The following PIK3C2G variants were observed in gnomAD, a reference collection of about 807,000 sequenced individuals.
The protein encoded by PIK3C2G is phosphatidylinositol 3-kinase C2 domain-containing subunit gamma.
A neutral mutation model predicts 181.1 loss-of-function variants in PIK3C2G; 168 were observed. The observed-to-expected ratio is 0.93, with a 90% CI of 0.82 to 1.05. The LOEUF (loss-of-function observed/expected upper bound fraction) is 1.05. Among genes scored for constraint, PIK3C2G ranks in the 50% least tolerant of loss-of-function variants. The pLI is 0.00. For missense variants in PIK3C2G, 1,869 were observed against 1,732.8 expected, an observed-to-expected ratio of 1.08 and a Z score of -1.40; for synonymous variants, 573 against 592.2, an observed-to-expected ratio of 0.97 and a Z score of 0.47.
chr12:18,671,391 G>A, the PIK3C2G span, among the ~76,000 whole-genome samples: 1 of 151,996 alleles, frequency 6.6e-6, no homozygotes, highest in Admixed American at 6.6e-5. Flanking sequence ...GTAGGAGAAA[G>A]AACACGAGAG....
chr12:18,375,410 C>G (rs1188114712), intron 13 of PIK3C2G, among the ~76,000 whole-genome samples: 1 of 152,192 alleles, frequency 6.6e-6, no homozygotes, highest in Non-Finnish European at 1.5e-5. Flanking sequence ...AGAGAAATTT[C>G]TAAGCAGCAA....
At chr12:18,679,531 T>C in the PIK3C2G span, among the ~76,000 whole-genome samples, 1 of 152,044 alleles carries the variant, frequency 6.6e-6, no homozygotes, top group East Asian at 1.9e-4. Context: ...ACCCTGGTTC[T>C]GTCATTTACT....
rs116619544 is a variant in PIK3C2G at position 18,431,846 on chromosome 12, C to T, written c.2504+7807C>T. Reference sequence around the variant, plus strand: ...TATTGATCTGCTGTAATCATCTTTCCACTTTGTTGTCCTCAGAAATGTATA... The same window carrying T: ...TATTGATCTGCTGTAATCATCTTTCTACTTTGTTGTCCTCAGAAATGTATA... On this transcript the variant is annotated intron_variant, in intron 18 of 32. Transcript: ENST00000538779. 7.6e-3 allele frequency among the ~76,000 whole-genome samples: 1,160 copies of T among 152,158 alleles called. 16 individuals carry two copies. Among genetic ancestry groups the T allele is most frequent in the African/African-American group, 0.027 (1,104 of 41,492 alleles).
chr12:18,343,923 G>A (rs1939396182), intron 10 of PIK3C2G, among the ~76,000 whole-genome samples: 1 of 149,932 alleles, frequency 6.7e-6, no homozygotes, highest in South Asian at 2.1e-4. Flanking sequence ...GAGATTGCAT[G>A]GGACGGAGCA....
At chr12:18,345,356 T>TC (rs1377193850) in intron 10 of PIK3C2G, among the ~76,000 whole-genome samples, 5 of 151,954 alleles carry the variant, frequency 3.3e-5, no homozygotes, top group Middle Eastern at 3.4e-3. Flanking sequence ...CCTCTGCTTG[T>TC]CCCCCCCAGA....
chr12:18,580,060 G>A (rs1357167530), intron 29 of PIK3C2G, among the ~76,000 whole-genome samples: 1 of 151,682 alleles, frequency 6.6e-6, no homozygotes, highest in East Asian at 1.9e-4. Flanking sequence ...TTGAACCCAC[G>A]AGGTGGAGGT....
At chr12:18,413,201 G>A (rs571813081) in intron 16 of PIK3C2G, among the ~76,000 whole-genome samples, 15 of 151,944 alleles carry the variant, frequency 9.9e-5, no homozygotes, top group Admixed American at 2.0e-4. Flanking sequence ...ATTTATCTTA[G>A]CGATGAGATC....
intron 31 of PIK3C2G, among the ~76,000 whole-genome samples, chr12:18,638,220 A>G (rs4764410): frequency 0.27 from 40,805 of 152,084 alleles, 6,098 homozygotes; most frequent in Admixed American, 0.41. Flanking sequence ...GTAGAGGTAA[A>G]GGGGTTCTCA....
chr12:18,537,777 A>T (rs928966286), intron 24 of PIK3C2G, among the ~76,000 whole-genome samples: 1 of 152,038 alleles, frequency 6.6e-6, no homozygotes, highest in Non-Finnish European at 1.5e-5. Context: ...GGTCAAACAC[A>T]TCTGTTCGAT....
intron 18 of PIK3C2G, among the ~76,000 whole-genome samples, chr12:18,458,004 A>G (rs1480157302): frequency 3.3e-5 from 5 of 152,178 alleles, no homozygotes; most frequent in African/African-American, 7.2e-5. Context: ...ACTAATTAAC[A>G]TTAATTTATT....
intron 8 of PIK3C2G, among the ~76,000 whole-genome samples, chr12:18,333,111 G>T (rs1360693611): frequency 1.3e-5 from 2 of 152,110 alleles, no homozygotes; most frequent in East Asian, 3.9e-4. Flanking sequence ...CTCTGCCAAA[G>T]TTTGAACATT....
intron 24 of PIK3C2G, among the ~76,000 whole-genome samples, chr12:18,516,378 T>C (rs1942549181): frequency 1.3e-5 from 2 of 151,952 alleles, no homozygotes; most frequent in African/African-American, 4.8e-5. Context: ...AAAAATACGT[T>C]TCTCTTCTCT....
chr12:18,531,193 T>C (rs1230436566), intron 24 of PIK3C2G, among the ~76,000 whole-genome samples: 2 of 152,276 alleles, frequency 1.3e-5, no homozygotes, highest in East Asian at 3.9e-4. Flanking sequence ...GCTTTTCTCA[T>C]CTCACTCTAC....
intron 7 of PIK3C2G, 51 bp from the exon 8 acceptor site, chr12:18,324,984 A>G (rs920682228): frequency 6.7e-6 from 6 of 892,000 alleles, no homozygotes; most frequent in African/African-American, 5.0e-5. Context: ...TAAAGGTAAT[A>G]TAAGTTTTCC....
the PIK3C2G span, chr12:18,719,769 ATATT>A: frequency 1.4e-5 from 7 of 511,228 alleles, no homozygotes; most frequent in Non-Finnish European, 6.4e-6. Context: ...TATTAATACT[ATATT>A]TATGTTGTTT....
At chr12:18,448,145 T>C (rs994764993) in intron 18 of PIK3C2G, among the ~76,000 whole-genome samples, 3 of 152,194 alleles carry the variant, frequency 2.0e-5, no homozygotes, top group Admixed American at 6.5e-5. Context: ...AAGTGCTTTT[T>C]TGATTAAAAC....
chr12:18,410,402 G>A (rs1345305484), intron 16 of PIK3C2G, among the ~76,000 whole-genome samples: 2 of 151,896 alleles, frequency 1.3e-5, no homozygotes, highest in African/African-American at 4.8e-5. Context: ...CTACTCAAGA[G>A]GCTGAGGCAG....
chr12:18,611,606 A>T (rs913655655), intron 31 of PIK3C2G, among the ~76,000 whole-genome samples: 1 of 152,108 alleles, frequency 6.6e-6, no homozygotes, highest in Non-Finnish European at 1.5e-5. Context: ...CTCAGACTCA[A>T]TATGCACCAA....
At chr12:18,609,412 A>AC (rs1948220433) in intron 30 of PIK3C2G, 123 bp from the exon 31 acceptor site, 2 of 612,382 alleles carry the variant, frequency 3.3e-6, no homozygotes, top group Non-Finnish European at 5.8e-6. Flanking sequence ...ATTCTTCAAC[A>AC]TTATCTGAAG....
Sources: allele counts gnomAD v4.1 joint callset (sites outside exome capture counted in the v4.1 genomes callset), GRCh38; gene constraint gnomAD v4.1.1; transcripts MANE v1.5; gene names NCBI Gene and HGNC (gene_info 2026-07-23, HGNC 2026-07-21).